The following TLE1 variants were observed in gnomAD, a reference collection of about 807,000 sequenced individuals.
TLE1 encodes TLE family member 1, transcriptional corepressor.
Under a neutral mutation model 89.8 loss-of-function variants are expected in TLE1, and 21 were observed. The ratio of observed to expected loss-of-function variants is 0.23; its 90% CI spans 0.17 to 0.34. The LOEUF is 0.34. TLE1 is among the 10% of genes least tolerant of loss of function. The pLI is 1.00. For synonymous variants in TLE1, 447 were observed against 407.6 expected (o/e 1.10, Z -1.16); for missense variants, 795 against 1,031.2 (o/e 0.77, Z 3.14).
At chr9:81,673,182 A>G (rs1832443267) in intron 4 of TLE1, among the ~76,000 whole-genome samples, 1 of 151,542 alleles carries the variant, frequency 6.6e-6, no homozygotes, top group Admixed American at 6.6e-5. Flanking sequence ...CTGAGGCAAC[A>G]GAATCGCTTG....
intron 6 of TLE1, among the ~76,000 whole-genome samples, chr9:81,636,959 C>G (rs897137445): frequency 6.7e-6 from 1 of 149,670 alleles, no homozygotes. Flanking sequence ...GCTGAGATCA[C>G]GCCACTGTAC....
intron 6 of TLE1, among the ~76,000 whole-genome samples, chr9:81,646,731 A>G (rs1828908041): frequency 6.6e-6 from 1 of 152,198 alleles, no homozygotes; most frequent in South Asian, 2.1e-4. Context: ...TCTCTTAGGG[A>G]TAGACAGGCT....
chr9:81,626,784 C>T (rs1474894026), intron 8 of TLE1, among the ~76,000 whole-genome samples: 1 of 152,190 alleles, frequency 6.6e-6, no homozygotes, highest in East Asian at 1.9e-4. Flanking sequence ...GTGCTAAAAC[C>T]ACGATGCCTT....
At chr9:81,657,213 A>G (rs1830245630) in intron 4 of TLE1, among the ~76,000 whole-genome samples, 1 of 152,196 alleles carries the variant, frequency 6.6e-6, no homozygotes, top group African/African-American at 2.4e-5. Context: ...ACAAATATTA[A>G]CCCTTTATCA....
chr9:81,600,959 G>A (rs925512956), intron 14 of TLE1, among the ~76,000 whole-genome samples: 3 of 152,272 alleles, frequency 2.0e-5, no homozygotes, highest in Non-Finnish European at 2.9e-5. Flanking sequence ...GTAGAACTGC[G>A]CCAGCTTTCC....
At chr9:81,592,884 A>G in intron 15 of TLE1, 141 bp downstream of exon 15, 1 of 1,201,480 alleles carries the variant, frequency 8.3e-7, no homozygotes, top group Non-Finnish European at 1.1e-6. Context: ...TGGGGAGCCG[A>G]GGGGGTTAAA....
At chr9:81,621,073 T>C in intron 8 of TLE1, 1 of 240,138 alleles carries the variant, frequency 4.2e-6, no homozygotes, top group South Asian at 4.3e-5. Context: ...CTCTTTTGAA[T>C]TCTTTTAATT....
chr9:81,664,879 T>G (rs1406626417), intron 4 of TLE1, among the ~76,000 whole-genome samples: 10 of 152,136 alleles, frequency 6.6e-5, no homozygotes, highest in Non-Finnish European at 1.0e-4. Context: ...AGAATATTCG[T>G]TTCTAACAAG....
intron 4 of TLE1, among the ~76,000 whole-genome samples, chr9:81,668,778 A>G (rs954470471): frequency 8.5e-5 from 13 of 152,192 alleles, no homozygotes; most frequent in Non-Finnish European, 1.3e-4. Flanking sequence ...GCCTTACAGT[A>G]TTGTCTAAGA....
intron 8 of TLE1, among the ~76,000 whole-genome samples, chr9:81,626,179 C>T (rs2071294961): frequency 6.6e-6 from 1 of 152,166 alleles, no homozygotes; most frequent in South Asian, 2.1e-4. Flanking sequence ...CCCTTGGGAA[C>T]TTTCTCCTCC....
intron 8 of TLE1, among the ~76,000 whole-genome samples, chr9:81,621,986 A>C (rs898262621): frequency 6.6e-6 from 1 of 152,174 alleles, no homozygotes; most frequent in Non-Finnish European, 1.5e-5. Flanking sequence ...TAATGTCTTT[A>C]CCACAGTGTT....
rs768197621 is a variant in TLE1, at chr9:81,613,363, A to G, written c.1063+14T>C. On this transcript the variant is annotated intron_variant, in intron 12 of 19. Transcript: ENST00000376499. ...GAGAAACCAAACAAAGCACAACAAG[A>G]GGCGATGCTGTACCCGCTTGGTTAA... 5.0e-6 allele frequency: 8 copies of G among 1,611,712 alleles called. No individual in the cohort carries two copies. In the South Asian group the frequency reaches 7.7e-5, roughly 16 times the overall value.
Position 81,616,146 on chromosome 9 carries a change from T to C in TLE1, c.766-12A>G, listed in dbSNP as rs758919266. On this transcript the variant is annotated splice_polypyrimidine_tract_variant and intron_variant, in intron 10 of 19. Coordinates refer to ENST00000376499, the MANE Select transcript of TLE1 (RefSeq NM_005077.5). ...GGAGAAGAAGGGTCCTCAACAAGCATAATCAAAAGTTTTCGTGATTTAGCT... is the reference window on the plus strand; with the variant it reads ...GGAGAAGAAGGGTCCTCAACAAGCACAATCAAAAGTTTTCGTGATTTAGCT... 1.9e-6 allele frequency: 3 copies of C among 1,588,100 alleles called. No homozygotes were observed. The highest frequency in any genetic ancestry group is 1.2e-5 in the South Asian group (1 of 86,546).
rs1826042106 is a variant in TLE1, at chr9:81,627,436, A to C, written c.594+5912T>G. ...TATCCACCTGACTTATTGCATCCAC[A>C]GTAAACAGACACCTCTACCTGGTAC... On this transcript the variant is annotated intron_variant, in intron 8 of 19. Transcript: ENST00000376499. Among the ~76,000 whole-genome samples the C allele has an allele frequency of 2.0e-5, 3 of 152,170 alleles. No homozygotes were observed. In the South Asian group the frequency reaches 6.2e-4, roughly 32 times the overall value.
At chr9:81,670,923 C>A (rs148195319) in intron 4 of TLE1, among the ~76,000 whole-genome samples, 1,789 of 152,044 alleles carry the variant, frequency 0.012, 52 homozygotes, top group African/African-American at 0.04. Flanking sequence ...AATCCCAGCA[C>A]TTTGGGAGGC....
chr9:81,617,986 T>C (rs1257052700), intron 9 of TLE1, among the ~76,000 whole-genome samples: 2 of 152,016 alleles, frequency 1.3e-5, no homozygotes, highest in Admixed American at 6.6e-5. Flanking sequence ...GATTGTGCCA[T>C]TGCACTCCAG....
chr9:81,672,477 T>G (rs1030404700), intron 4 of TLE1, among the ~76,000 whole-genome samples: 3 of 150,962 alleles, frequency 2.0e-5, no homozygotes, highest in African/African-American at 4.9e-5. Flanking sequence ...TTTTTTTTTT[T>G]GCTTCCCCAA....
At chr9:81,626,552 T>C (rs1588024864) in intron 8 of TLE1, among the ~76,000 whole-genome samples, 1 of 152,310 alleles carries the variant, frequency 6.6e-6, no homozygotes, top group Admixed American at 6.5e-5. Flanking sequence ...CTGGCAACCA[T>C]ATCATATCTC....
chr9:81,658,187 A>G lies in TLE1; in HGVS notation c.235-4151T>C, dbSNP rs77679800. On this transcript the variant is annotated intron_variant, in intron 4 of 19. Transcript: ENST00000376499. ...TCAGCCTCCCAAAGTGCTAGGATTT[A>G]TAATCCTAGCATGAGCCACTGTGCC... is the stretch of plus-strand genomic sequence containing the variant. Among the ~76,000 whole-genome samples, 24 of 152,084 alleles carry G rather than the reference A, an allele frequency of 1.6e-4. No individual in the cohort carries two copies. The East Asian group carries it at 3.7e-3, about 23-fold the overall frequency.
Sources: gnomAD v4.1 joint callset for allele counts (sites outside exome capture counted in the v4.1 genomes callset) on GRCh38, gnomAD v4.1.1 for gene constraint, MANE v1.5 for transcripts, NCBI Gene and HGNC (gene_info 2026-07-23, HGNC 2026-07-21) for gene names.